The following CHST6 variants were observed in gnomAD, a reference collection of about 807,000 sequenced individuals.
CHST6 encodes the protein carbohydrate sulfotransferase 6.
For missense variants in CHST6, 698 were observed against 586.2 expected (o/e 1.19, Z -1.97); for synonymous variants, 309 against 276.4 (o/e 1.12, Z -1.17).
At chr16:75,486,904 A>T (rs1403867375) in intron 1 of CHST6, among the ~76,000 whole-genome samples, 1 of 152,138 alleles carries the variant, frequency 6.6e-6, no homozygotes, top group Non-Finnish European at 1.5e-5. Context: ...TGACAGTGCT[A>T]ATTACATGGG....
In CHST6 at chr16:75,478,594, A is replaced by C; in HGVS notation, c.*47T>G. The C allele has an allele frequency of 1.3e-6, 2 of 1,595,468 alleles. No homozygotes were observed. Among genetic ancestry groups the C allele is most frequent in the Non-Finnish European group, 1.7e-6 (2 of 1,163,896 alleles). On this transcript the variant is annotated 3_prime_UTR_variant, in exon 3 of 3. Transcript: ENST00000332272. ...CGTGCGCCCCAGCCCCCTCTGCACCATGCACTCTCCTCCCGGGCCTAGCGC... is the reference window on the plus strand; with the variant it reads ...CGTGCGCCCCAGCCCCCTCTGCACCCTGCACTCTCCTCCCGGGCCTAGCGC...
intron 1 of CHST6, among the ~76,000 whole-genome samples, chr16:75,491,924 G>T (rs1467242579): frequency 2.0e-5 from 3 of 152,086 alleles, no homozygotes; most frequent in Non-Finnish European, 4.4e-5. Flanking sequence ...GAGCTCCCAT[G>T]CACACTCTCA....
chr16:75,479,974 G>T, intron 2 of CHST6, 130 bp from the exon 3 acceptor site: 1 of 759,524 alleles, frequency 1.3e-6, no homozygotes, highest in Non-Finnish European at 2.1e-6. Context: ...TGGTCTCAGT[G>T]GGGAGCTCTC....
chr16:75,479,261 C>A lies in CHST6; in HGVS notation c.568G>T (p.Asp190Tyr), dbSNP rs779619694. Residue 190 changes from aspartate to tyrosine, a missense_variant, in exon 3 of 3, where the codon GAC becomes TAC. By Grantham distance (160) the Asp-to-Tyr change is radical. Coordinates refer to ENST00000332272, the MANE Select transcript of CHST6 (RefSeq NM_021615.5). ...NLQVLYPLLS[D>Y]PALNLRIVHL... ...ACGATGCGTAGGTTGAGCGCGGGGT[C>A]GCTGAGCAGCGGGTAGAGCACCTGC... The A allele has an allele frequency of 4.3e-6, 7 of 1,612,472 alleles. No individual in the cohort carries two copies. The highest frequency in any genetic ancestry group is 4.0e-5 in the African/African-American group (3 of 74,916).
intron 1 of CHST6, among the ~76,000 whole-genome samples, chr16:75,490,173 CAAAAAAAAAA>C (rs58903978): frequency 4.9e-5 from 2 of 40,620 alleles, no homozygotes; most frequent in African/African-American, 1.7e-4. Flanking sequence ...GACTTTGCCT[CAAAAAAAAAA>C]AAAAAAAAAA....
rs562728430 is a variant in CHST6 at position 75,477,297 on chromosome 16, C to A, written c.*1344G>T. On this transcript the variant is annotated 3_prime_UTR_variant, in exon 3 of 3. Transcript: ENST00000332272. ...GCAGAAAATGCCAGATCTCCCTTGCCCTGCTTGCTTTGCAGGGAGGATGTG... is the reference window on the plus strand; with the variant it reads ...GCAGAAAATGCCAGATCTCCCTTGCACTGCTTGCTTTGCAGGGAGGATGTG... 9 of 152,272 alleles carry A rather than the reference C, an allele frequency of 5.9e-5. No homozygotes were observed. Among genetic ancestry groups the A allele is most frequent in the African/African-American group, 2.2e-4 (9 of 41,538 alleles). The allele number at this position is 152,272 out of a possible 1,614,324, so 9.4% of individuals were successfully genotyped here.
At position 75,476,999 on chromosome 16, in the gene CHST6, C is replaced by G. The variant is rs1461958921; in HGVS notation, c.*1642G>C. On this transcript the variant is annotated 3_prime_UTR_variant, in exon 3 of 3. Transcript: ENST00000332272. The stretch of plus-strand genomic sequence containing the variant: ...CCTCAGGTGATTCATCCCCCTCGGC[C>G]TCCCACAGTGCTGGGATTACAGGCA... 6.6e-6 allele frequency: 1 copy of G among 152,216 alleles called. No homozygotes were observed. The highest frequency in any genetic ancestry group is 1.5e-5 in the Non-Finnish European group (1 of 68,048). The allele number at this position is 152,216 out of a possible 1,614,324, so 9.4% of individuals were successfully genotyped here.
chr16:75,482,984 T>C (rs184896931), intron 1 of CHST6, among the ~76,000 whole-genome samples: 2 of 152,290 alleles, frequency 1.3e-5, no homozygotes, highest in East Asian at 1.9e-4. Flanking sequence ...CTGACGATGG[T>C]TGGCTTCCTG....
chr16:75,494,588 G>T (rs2080289766), intron 1 of CHST6, among the ~76,000 whole-genome samples: 1 of 152,202 alleles, frequency 6.6e-6, no homozygotes, highest in South Asian at 2.1e-4. Flanking sequence ...CCTGGGTCTG[G>T]TTCCAAATCA....
intron 1 of CHST6, 121 bp from the exon 2 acceptor site, chr16:75,482,012 C>A: frequency 3.1e-6 from 1 of 321,786 alleles, no homozygotes; most frequent in Non-Finnish European, 6.2e-6. Flanking sequence ...CATTTAACCT[C>A]TTAGGGCTGT....
intron 1 of CHST6, among the ~76,000 whole-genome samples, chr16:75,492,118 T>C (rs537659953): frequency 6.6e-6 from 1 of 152,354 alleles, no homozygotes; most frequent in South Asian, 2.1e-4. Context: ...CAAAATCTAC[T>C]GGGAAATGAA....
chr16:75,482,750 T>C lies in CHST6; in HGVS notation c.-91-859A>G, dbSNP rs143803345. On this transcript the variant is annotated intron_variant, in intron 1 of 2. Coordinates refer to ENST00000332272, the MANE Select transcript of CHST6 (RefSeq NM_021615.5). ...TTGCTCCTTGCCTGCCCCCTTCCCCTGTCCACATCGCCCACTGAGAGAAGC... is the reference window on the plus strand; with the variant it reads ...TTGCTCCTTGCCTGCCCCCTTCCCCCGTCCACATCGCCCACTGAGAGAAGC... Among the ~76,000 whole-genome samples, 15 of 152,268 alleles carry C rather than the reference T, an allele frequency of 9.9e-5. No homozygotes were observed. The East Asian group carries it at 1.5e-3, about 16-fold the overall frequency.
intron 2 of CHST6, among the ~76,000 whole-genome samples, chr16:75,480,548 G>A (rs570512622): frequency 7.3e-5 from 11 of 150,806 alleles, no homozygotes. Context: ...CCTTGCTACA[G>A]CGTGTGCTTC....
intron 1 of CHST6, among the ~76,000 whole-genome samples, chr16:75,484,269 G>A (rs1405580678): frequency 6.6e-6 from 1 of 151,822 alleles, no homozygotes; most frequent in Non-Finnish European, 1.5e-5. Flanking sequence ...TCCAGGAGGT[G>A]GAGGTTGCAG....
intron 1 of CHST6, among the ~76,000 whole-genome samples, chr16:75,488,729 A>G (rs371687891): frequency 6.6e-6 from 1 of 152,060 alleles, no homozygotes; most frequent in Non-Finnish European, 1.5e-5. Flanking sequence ...CATGCCTGTA[A>G]TCCCAGCACT....
chr16:75,485,129 T>A (rs1029410008), intron 1 of CHST6, among the ~76,000 whole-genome samples: 1 of 151,914 alleles, frequency 6.6e-6, no homozygotes, highest in Non-Finnish European at 1.5e-5. Context: ...AGGAGGAGGG[T>A]GGAACTAAAA....
rs1235801389 is a variant in CHST6, at chr16:75,476,891, T to C, written c.*1750A>G. 3.9e-5 allele frequency: 6 copies of C among 152,020 alleles called. No individual in the cohort carries two copies. Among genetic ancestry groups the C allele is most frequent in the African/African-American group, 1.4e-4 (6 of 41,398 alleles). 9.4% of individuals were successfully genotyped at this position (152,020 alleles called of 1,614,324 possible). ...TCCCGAGGAGCTGGGATTACAGGTA[T>C]GTGCGACCATGCCTCGCTAATTTTG... is the stretch of plus-strand genomic sequence containing the variant. On this transcript the variant is annotated 3_prime_UTR_variant, in exon 3 of 3. Coordinates refer to ENST00000332272, the MANE Select transcript of CHST6 (RefSeq NM_021615.5).
Position 75,474,603 on chromosome 16 carries a change from A to G in CHST6, c.*4038T>C. 2.5e-6 allele frequency: 1 copy of G among 398,852 alleles called. No homozygotes were observed. The highest frequency in any genetic ancestry group is 4.4e-6 in the Non-Finnish European group (1 of 226,272). The allele number at this position is 398,852 out of a possible 1,614,324, so 24.7% of individuals were successfully genotyped here. A position where few individuals can be genotyped will look rare whatever the true frequency, so the allele number is the denominator to read the frequency against. ...GGTCATATATAATAAATAGAAGTGTATTGGCTTACAGTTCTGGAGGCTGGG... is the reference window on the plus strand; with the variant it reads ...GGTCATATATAATAAATAGAAGTGTGTTGGCTTACAGTTCTGGAGGCTGGG... On this transcript the variant is annotated 3_prime_UTR_variant, in exon 3 of 3. Coordinates refer to ENST00000332272, the MANE Select transcript of CHST6 (RefSeq NM_021615.5).
chr16:75,491,190 A>AAAAATATATATATATATAT (rs1206595857), intron 1 of CHST6, among the ~76,000 whole-genome samples: 2 of 50,090 alleles, frequency 4.0e-5, no homozygotes, highest in South Asian at 1.1e-3. Context: ...AAAAAAAAAA[A>AAAAATATATATATATATAT]ATATATATAT....
Sources: gnomAD v4.1 joint callset for allele counts (sites outside exome capture counted in the v4.1 genomes callset) on GRCh38, gnomAD v4.1.1 for gene constraint, MANE v1.5 for transcripts, NCBI Gene and HGNC (gene_info 2026-07-23, HGNC 2026-07-21) for gene names.